The following RBM46 variants were observed in gnomAD, a reference collection of about 807,000 sequenced individuals.
The protein encoded by RBM46 is RNA binding motif protein 46.
Under a neutral mutation model 43.3 loss-of-function variants are expected in RBM46, and 12 were observed. That is an observed-to-expected ratio of 0.28 (90% CI 0.18 to 0.45). The LOEUF is 0.45. Among genes scored for constraint, RBM46 ranks in the 20% least tolerant of loss-of-function variants. The pLI is 1.00. For missense variants in RBM46, 412 were observed against 639.1 expected, an observed-to-expected ratio of 0.64 and a Z score of 3.83; for synonymous variants, 205 against 207.6, an observed-to-expected ratio of 0.99 and a Z score of 0.11.
chr4:154,799,163 C>G lies in RBM46; in HGVS notation c.1001C>G (p.Ala334Gly), dbSNP rs1210707912. ...SPNSENLIVF[A>G]NKEESHPKTL... ...AATTCTGAAAATCTGATTGTGTTTG[C>G]TAACAAAGAAGAGAGCCACCCAAAA... is the stretch of plus-strand genomic sequence containing the variant. Residue 334 changes from alanine (A) to glycine (G), a missense_variant, in exon 4 of 5, where the codon GCT (alanine) becomes GGT (glycine). By Grantham distance (60) the Ala-to-Gly change is moderately conservative. This residue lies in a region of RBM46 where 105 missense variants were observed against 111.0 expected (regional missense o/e 0.95). Coordinates refer to ENST00000281722, the MANE Select transcript of RBM46 (RefSeq NM_144979.5). The G allele has an allele frequency of 1.9e-6, 3 of 1,614,084 alleles. No homozygotes were observed. The Admixed American group carries it at 5.0e-5, about 27-fold the overall frequency.
chr4:154,826,103 C>G (rs1735944063), intron 4 of RBM46, among the ~76,000 whole-genome samples: 1 of 151,390 alleles, frequency 6.6e-6, no homozygotes, highest in Admixed American at 6.6e-5. Flanking sequence ...CGGTAATGGT[C>G]CCGTTTATAC....
chr4:154,784,205 A>G (rs919977535), intron 1 of RBM46, among the ~76,000 whole-genome samples: 2 of 152,234 alleles, frequency 1.3e-5, no homozygotes, highest in African/African-American at 2.4e-5. Flanking sequence ...GTAAGATTAT[A>G]TAATGTTCTC....
intron 4 of RBM46, among the ~76,000 whole-genome samples, chr4:154,818,135 T>G (rs1217590292): frequency 6.6e-6 from 1 of 152,164 alleles, no homozygotes; most frequent in African/African-American, 2.4e-5. Flanking sequence ...ATAATCGTTT[T>G]TATACTTAAT....
rs147971341 is a variant in RBM46, at chr4:154,828,053, G to T, written c.1588G>T (p.Ala530Ser). The change falls in exon 5 of 5, where the codon GCC becomes TCC. Residue 530 changes from alanine (A) to serine (S), a missense_variant. By Grantham distance (99) the Ala-to-Ser change is moderately conservative. Transcript: ENST00000281722. ...ACAGCGGCTATGTATCTCCAATCAG[G>T]CCTCCTTCTTCTGAAGAAAATACTA... Reference protein sequence around the residue: ...VGQRLCISNQASFF With the variant: ...VGQRLCISNQSSFF 55 of 1,610,974 alleles carry T rather than the reference G, an allele frequency of 3.4e-5. No homozygotes were observed. In the African/African-American group the frequency reaches 6.8e-4, roughly 20 times the overall value.
chr4:154,794,247 C>G (rs904666618), intron 1 of RBM46, among the ~76,000 whole-genome samples: 1 of 138,708 alleles, frequency 7.2e-6, no homozygotes, highest in African/African-American at 2.8e-5. Flanking sequence ...GTGGTGCTAT[C>G]TCTGCTCACT....
At chr4:154,794,726 G>A (rs532962870) in intron 1 of RBM46, among the ~76,000 whole-genome samples, 36 of 152,222 alleles carry the variant, frequency 2.4e-4, no homozygotes, top group African/African-American at 8.2e-4. Flanking sequence ...AGCTGCATGG[G>A]TAGGCTCCTT....
At chr4:154,793,577 A>T (rs73855230) in intron 1 of RBM46, among the ~76,000 whole-genome samples, 4 of 152,226 alleles carry the variant, frequency 2.6e-5, no homozygotes, top group African/African-American at 9.6e-5. Flanking sequence ...TACTTGAGAA[A>T]GTGTTGAAGG....
chr4:154,793,666 T>A (rs1458759049), intron 1 of RBM46, among the ~76,000 whole-genome samples: 2 of 152,208 alleles, frequency 1.3e-5, no homozygotes, highest in Non-Finnish European at 2.9e-5. Context: ...GTCTGTACAC[T>A]TTCATAGCTG....
chr4:154,810,935 A>G (rs975240066), intron 4 of RBM46, among the ~76,000 whole-genome samples: 14 of 152,164 alleles, frequency 9.2e-5, no homozygotes, highest in Non-Finnish European at 1.9e-4. Flanking sequence ...TCTCATGTTT[A>G]GTTTATTAAC....
In RBM46 at chr4:154,827,937, C is replaced by A. The variant is rs777619985; in HGVS notation, c.1472C>A (p.Pro491His). Reference sequence around the variant, plus strand: ...AGTGCTACCCTCTCTTCTGGGACTCCCAGCGTGCTTCCTTATACTTCAAGG... The same window carrying A: ...AGTGCTACCCTCTCTTCTGGGACTCACAGCGTGCTTCCTTATACTTCAAGG... ...PVSATLSSGT[P>H]SVLPYTSRPY... Residue 491 changes from proline to histidine, a missense_variant, in exon 5 of 5, where the codon CCC becomes CAC. Coordinates refer to ENST00000281722, the MANE Select transcript of RBM46 (RefSeq NM_144979.5). 1.9e-6 allele frequency: 3 copies of A among 1,613,846 alleles called. No individual in the cohort carries two copies. The highest frequency in any genetic ancestry group is 2.5e-6 in the Non-Finnish European group (3 of 1,179,814).
intron 4 of RBM46, among the ~76,000 whole-genome samples, chr4:154,800,704 G>T (rs1734593387): frequency 6.6e-6 from 1 of 150,954 alleles, no homozygotes; most frequent in Non-Finnish European, 1.5e-5. Context: ...TATTGGAAGA[G>T]TAGTGGTTTC....
At chr4:154,816,333 T>C (rs1252507947) in intron 4 of RBM46, among the ~76,000 whole-genome samples, 2 of 152,072 alleles carry the variant, frequency 1.3e-5, no homozygotes, top group African/African-American at 2.4e-5. Flanking sequence ...TTGGGAACAA[T>C]AACATTTTTA....
chr4:154,815,549 A>G (rs943996761), intron 4 of RBM46, among the ~76,000 whole-genome samples: 4 of 151,980 alleles, frequency 2.6e-5, no homozygotes, highest in African/African-American at 9.7e-5. Context: ...TTATATGATG[A>G]TAACTTACGA....
At chr4:154,786,127 C>T (rs1733751470) in intron 1 of RBM46, among the ~76,000 whole-genome samples, 1 of 152,222 alleles carries the variant, frequency 6.6e-6, no homozygotes, top group African/African-American at 2.4e-5. Context: ...CGTTTTCTCC[C>T]CCAGGCTGGA....
intron 1 of RBM46, among the ~76,000 whole-genome samples, chr4:154,793,454 G>C (rs994119641): frequency 6.6e-6 from 1 of 152,178 alleles, no homozygotes; most frequent in African/African-American, 2.4e-5. Flanking sequence ...GATAATTTCA[G>C]TAATGCATAC....
At chr4:154,789,069 T>G (rs1733940975) in intron 1 of RBM46, among the ~76,000 whole-genome samples, 1 of 152,198 alleles carries the variant, frequency 6.6e-6, no homozygotes, top group Admixed American at 6.5e-5. Flanking sequence ...CTTAAGGAGA[T>G]TTTGGGCTGA....
At chr4:154,802,308 A>G (rs2111149283) in intron 4 of RBM46, among the ~76,000 whole-genome samples, 2 of 152,330 alleles carry the variant, frequency 1.3e-5, no homozygotes, top group East Asian at 3.9e-4. Flanking sequence ...AACTTTGATC[A>G]GAAAACAAAT....
chr4:154,821,028 C>T (rs1735697013), intron 4 of RBM46, among the ~76,000 whole-genome samples: 1 of 151,714 alleles, frequency 6.6e-6, no homozygotes, highest in Admixed American at 6.6e-5. Flanking sequence ...TTGTGCTTCA[C>T]TTCCTCATTG....
chr4:154,806,062 T>C (rs1014581306), intron 4 of RBM46, among the ~76,000 whole-genome samples: 4 of 151,848 alleles, frequency 2.6e-5, no homozygotes, highest in Admixed American at 6.6e-5. Context: ...TGACCAAAAT[T>C]CCATTAACTC....
Sources: gnomAD v4.1 joint callset for allele counts (sites outside exome capture counted in the v4.1 genomes callset) on GRCh38, gnomAD v4.1.1 for gene constraint, gnomAD v4.1.1 regional missense constraint, MANE v1.5 for transcripts, NCBI Gene and HGNC (gene_info 2026-07-23, HGNC 2026-07-21) for gene names.